The following BOD1L1 variants were observed in gnomAD, a reference collection of about 807,000 sequenced individuals.
The protein encoded by BOD1L1 is biorientation of chromosomes in cell division 1 like 1.
A neutral mutation model predicts 240.7 loss-of-function variants in BOD1L1; 86 were observed. That is an observed-to-expected ratio of 0.36 (90% CI 0.30 to 0.43). The LOEUF (loss-of-function observed/expected upper bound fraction) is 0.43. Among genes scored for constraint, BOD1L1 ranks in the 20% least tolerant of loss-of-function variants. The pLI, the probability that BOD1L1 is intolerant of heterozygous loss-of-function variation, is 1.00. For synonymous variants in BOD1L1, 1,268 were observed against 1,272.3 expected (o/e 1.00, Z 0.07); for missense variants, 3,554 against 3,643.5 (o/e 0.98, Z 0.63).
chr4:13,611,643 C>A (rs1364657422), intron 5 of BOD1L1, among the ~76,000 whole-genome samples: 1 of 152,200 alleles, frequency 6.6e-6, no homozygotes, highest in Non-Finnish European at 1.5e-5. Context: ...TTTGTAGGAA[C>A]CCAAGGCACT....
chr4:13,615,790 C>T (rs1716538892), intron 2 of BOD1L1, among the ~76,000 whole-genome samples: 1 of 152,116 alleles, frequency 6.6e-6, no homozygotes, highest in African/African-American at 2.4e-5. Context: ...CAGTACACTG[C>T]CTAGGGTCCA....
intron 8 of BOD1L1, among the ~76,000 whole-genome samples, 152 bp from the exon 9 acceptor site, chr4:13,607,341 C>A: frequency 6.6e-6 from 1 of 151,822 alleles, no homozygotes. Flanking sequence ...CTCTTGTTGC[C>A]CAGGCTGGAG....
Position 13,607,104 on chromosome 4 carries a change from T to C in BOD1L1, c.1815+13A>G, listed in dbSNP as rs1219336715. 2 of 1,510,708 alleles carry C rather than the reference T, an allele frequency of 1.3e-6. No homozygotes were observed. Among genetic ancestry groups the C allele is most frequent in the Non-Finnish European group, 1.8e-6 (2 of 1,116,638 alleles). 93.6% of individuals were successfully genotyped at this position (1,510,708 alleles called of 1,614,324 possible). On this transcript the variant is annotated intron_variant, in intron 9 of 25. Transcript: ENST00000040738. Reference sequence around the variant, plus strand: ...CAAAACAGCATTTGAAATGAGGTTTTATTAAGGCATACCTCACTTGTTTTA... The same window carrying C: ...CAAAACAGCATTTGAAATGAGGTTTCATTAAGGCATACCTCACTTGTTTTA...
chr4:13,602,385 C>T lies in BOD1L1; in HGVS notation c.4515G>A (p.Val1505=). 6.2e-7 allele frequency: 1 copy of T among 1,613,936 alleles called. No individual in the cohort carries two copies. Among genetic ancestry groups the T allele is most frequent in the South Asian group, 1.1e-5 (1 of 91,062 alleles). ...TTTCTGCTCTCCTAGGCCCAGTTGCCACATCCTCAGTTTGTCCGTTCCTTT... is the reference window on the plus strand; with the variant it reads ...TTTCTGCTCTCCTAGGCCCAGTTGCTACATCCTCAGTTTGTCCGTTCCTTT... ...LHQRNGQTED[V]ATGPRRAEKT... Residue 1505 remains valine (V), a synonymous_variant, in exon 10 of 26, where the codon GTG becomes GTA. Coordinates refer to ENST00000040738, the MANE Select transcript of BOD1L1 (RefSeq NM_148894.3).
intron 5 of BOD1L1, among the ~76,000 whole-genome samples, chr4:13,611,789 A>G (rs1560213133): frequency 6.6e-6 from 1 of 152,224 alleles, no homozygotes; most frequent in Non-Finnish European, 1.5e-5. Flanking sequence ...GTTGTAGTTT[A>G]AAATAAACTT....
chr4:13,614,937 T>C (rs1716470213), intron 3 of BOD1L1, 127 bp from the exon 4 acceptor site: 1 of 1,056,976 alleles, frequency 9.5e-7, no homozygotes, highest in Non-Finnish European at 1.3e-6. Flanking sequence ...GTATATTCTT[T>C]TAGACTTTCA....
chr4:13,581,033 G>A lies in BOD1L1; in HGVS notation c.8690C>T (p.Thr2897Ile), dbSNP rs1160897649. The A allele has an allele frequency of 6.4e-7, 1 of 1,574,076 alleles. No individual in the cohort carries two copies. The highest frequency in any genetic ancestry group is 8.6e-7 in the Non-Finnish European group (1 of 1,159,092). ...LKMKDDSKTD[T>I]GIVTVEQSPS... ...GCAATTACTTACAGTGACAATGCCA[G>A]TATCTGTTTTGGAGTCGTCTTCTAA... The change falls in exon 21 of 26, where the codon ACT becomes ATT. Residue 2897 changes from threonine (T) to isoleucine (I), a missense_variant. Thr to Ile is a moderately conservative substitution (Grantham distance 89). Coordinates refer to ENST00000040738, the MANE Select transcript of BOD1L1 (RefSeq NM_148894.3).
intron 1 of BOD1L1, among the ~76,000 whole-genome samples, chr4:13,623,199 G>A (rs1046807542): frequency 6.6e-6 from 1 of 151,636 alleles, no homozygotes; most frequent in African/African-American, 2.4e-5. Flanking sequence ...TTTTCTACTA[G>A]GATGTAAGCT....
At chr4:13,574,647 G>A (rs1560176431) in intron 25 of BOD1L1, among the ~76,000 whole-genome samples, 1 of 152,160 alleles carries the variant, frequency 6.6e-6, no homozygotes, top group Non-Finnish European at 1.5e-5. Flanking sequence ...TGGGATGGAT[G>A]CTATACCCAA....
intron 17 of BOD1L1, among the ~76,000 whole-genome samples, chr4:13,584,650 A>C (rs185813542): frequency 6.6e-6 from 1 of 152,260 alleles, no homozygotes; most frequent in Admixed American, 6.5e-5. Flanking sequence ...GCTCTTTCAG[A>C]GCCAACACTT....
At position 13,604,627 on chromosome 4, in the gene BOD1L1, T is replaced by C; in HGVS notation, c.2273A>G (p.Glu758Gly). ...TAAACCTTTCTCAGAAGAGTGAAGC[T>C]CAGTCTCATCACCTGTTTTATGCAT... is the stretch of plus-strand genomic sequence containing the variant. ...DCMHKTGDET[E>G]LHSSEKGLKV... The change falls in exon 10 of 26, where the codon GAG becomes GGG. Residue 758 changes from glutamate (E) to glycine (G), a missense_variant. Glu to Gly is a moderately conservative substitution (Grantham distance 98). This residue lies in a region of BOD1L1 where 3,393 missense variants were observed against 3,427.1 expected (regional missense o/e 0.99). Transcript: ENST00000040738. 1 of 1,578,872 alleles carries C rather than the reference T, an allele frequency of 6.3e-7. No individual in the cohort carries two copies. The highest frequency in any genetic ancestry group is 8.5e-7 in the Non-Finnish European group (1 of 1,169,976).
chr4:13,570,938 C>T (rs28376945), intron 25 of BOD1L1, among the ~76,000 whole-genome samples: 5,264 of 152,234 alleles, frequency 0.035, 296 homozygotes, highest in African/African-American at 0.12. Flanking sequence ...CATTGTGATT[C>T]ATCTGCTGTG....
chr4:13,615,636 T>G (rs1204725662), intron 2 of BOD1L1, 134 bp from the exon 3 acceptor site: 1 of 838,006 alleles, frequency 1.2e-6, no homozygotes, highest in Non-Finnish European at 1.8e-6. Context: ...ATCCATTTAC[T>G]TGGATATAGA....
At chr4:13,616,109 G>A (rs1432192213) in intron 2 of BOD1L1, among the ~76,000 whole-genome samples, 1 of 152,104 alleles carries the variant, frequency 6.6e-6, no homozygotes, top group Non-Finnish European at 1.5e-5. Context: ...CAACAATTAC[G>A]TTATAAGTGT....
Position 13,577,584 on chromosome 4 carries a change from T to C in BOD1L1, c.8797A>G (p.Asn2933Asp), listed in dbSNP as rs1712866337. 6.4e-7 allele frequency: 1 copy of C among 1,574,318 alleles called. No homozygotes were observed. Among genetic ancestry groups the C allele is most frequent in the Non-Finnish European group, 8.7e-7 (1 of 1,155,762 alleles). ...TANLQERSIS[N>D]DDGEEKIVTS... is the part of the protein sequence containing the mutation. ...TTGATAAGAAATTTAACACTTACAT[T>C]GCTTATACTTCTTTCTTGTAGGTTA... The change falls in exon 23 of 26, where the codon AAT (asparagine) becomes GAT (aspartate). Residue 2933 changes from asparagine (N) to aspartate (D), a missense_variant and splice_region_variant. Coordinates refer to ENST00000040738, the MANE Select transcript of BOD1L1 (RefSeq NM_148894.3).
rs764924713 is a variant in BOD1L1 at position 13,627,441 on chromosome 4, C to A, written c.147G>T (p.Gly49=). 1.7e-5 allele frequency: 22 copies of A among 1,286,016 alleles called. 1 individual carries two copies. In the South Asian group the frequency reaches 4.2e-4, roughly 25 times the overall value. The allele number at this position is 1,286,016 out of a possible 1,614,324, so 79.7% of individuals were successfully genotyped here. Residue 49 remains glycine, a synonymous_variant, in exon 1 of 26, where the codon GGG becomes GGT. Coordinates refer to ENST00000040738, the MANE Select transcript of BOD1L1 (RefSeq NM_148894.3). ...CGATCATGGCCACGAGCTGCGGGTC[C>A]CCGGCGCCCGCACCCGCGCCGCCCG... ...GGAGGAGAGA[G]DPQLVAMIVN...
In BOD1L1 at chr4:13,598,928, T is replaced by C. The variant is rs753318062; in HGVS notation, c.7954+18A>G. ...TCCTTGTAAATATTAAAATTTGCAA[T>C]TAGGTACAGATTCTCACCTATGTCA... On this transcript the variant is annotated intron_variant, in intron 10 of 25. Transcript: ENST00000040738. The C allele has an allele frequency of 1.3e-6, 2 of 1,572,082 alleles. No individual in the cohort carries two copies. The highest frequency in any genetic ancestry group is 1.2e-5 in the South Asian group (1 of 84,460).
intron 5 of BOD1L1, among the ~76,000 whole-genome samples, chr4:13,611,950 C>A (rs1382463693): frequency 6.6e-6 from 1 of 152,186 alleles, no homozygotes; most frequent in African/African-American, 2.4e-5. Context: ...AAATAGCCAT[C>A]TTCTTCTCAC....
rs768611253 is a variant in BOD1L1, at chr4:13,599,942, T to G, written c.6958A>C (p.Arg2320=). ...GCAGCATCGCTCAAGTCTTCTACTC[T>G]TGTGATGGTGAGCCGATCTTCATCC... ...LQDEDRLTIT[R]VEDLSDAAII... is the part of the protein sequence containing the mutation. The change falls in exon 10 of 26, where the codon AGA becomes CGA. Residue 2320 remains arginine, a synonymous_variant. Transcript: ENST00000040738. The G allele has an allele frequency of 6.2e-7, 1 of 1,613,264 alleles. No homozygotes were observed. The highest frequency in any genetic ancestry group is 2.2e-5 in the East Asian group (1 of 44,848).
Sources: allele counts gnomAD v4.1 joint callset (sites outside exome capture counted in the v4.1 genomes callset), GRCh38; gene constraint gnomAD v4.1.1; regional missense constraint gnomAD v4.1.1; transcripts MANE v1.5; gene names NCBI Gene and HGNC (gene_info 2026-07-23, HGNC 2026-07-21).